The following IPO5 variants were observed in gnomAD, a reference collection of about 807,000 sequenced individuals.
IPO5 encodes importin-5.
A neutral mutation model predicts 143.3 loss-of-function variants in IPO5; 18 were observed. The observed-to-expected ratio is 0.13, with a 90% confidence interval of 0.09 to 0.19. IPO5 has a LOEUF of 0.19. Among genes scored for constraint, IPO5 ranks in the 10% least tolerant of loss-of-function variants. IPO5 has a pLI of 1.00. For synonymous variants in IPO5, 477 were observed against 465.7 expected, an observed-to-expected ratio of 1.02 and a Z score of -0.31; for missense variants, 1,013 against 1,336.9, an observed-to-expected ratio of 0.76 and a Z score of 3.78.
chr13:97,983,210 T>C (rs1222878706), intron 5 of IPO5, among the ~76,000 whole-genome samples: 1 of 152,236 alleles, frequency 6.6e-6, no homozygotes, highest in African/African-American at 2.4e-5. Flanking sequence ...TTTCTTTCCT[T>C]GAAACAATTT....
intron 4 of IPO5, 24 bp downstream of exon 4, chr13:97,976,810 C>T (rs752347944): frequency 8.8e-7 from 1 of 1,135,134 alleles, no homozygotes; most frequent in Non-Finnish European, 1.2e-6. Flanking sequence ...CCGCCCCAGT[C>T]TTCGCGCCCT....
In IPO5 at chr13:97,993,139, G is replaced by A. The variant is rs1367482292; in HGVS notation, c.827G>A (p.Arg276His). The change falls in exon 11 of 29, where the codon CGC (arginine) becomes CAC (histidine). Residue 276 changes from arginine (R) to histidine (H), a missense_variant. Coordinates refer to ENST00000651721, the MANE Select transcript of IPO5 (RefSeq NM_002271.6). ...GACACTAGCCTCAACAATATGCAAC[G>A]CCAGCTTGCCCTTGAAGTGATCGTC... ...CGDTSLNNMQ[R>H]QLALEVIVTL... is the part of the protein sequence containing the mutation. 6 of 1,613,878 alleles carry A rather than the reference G, an allele frequency of 3.7e-6. No individual in the cohort carries two copies. Among genetic ancestry groups the A allele is most frequent in the East Asian group, 2.2e-5 (1 of 44,876 alleles).
At chr13:97,972,893 G>A (rs1459002808) in intron 3 of IPO5, among the ~76,000 whole-genome samples, 1 of 152,076 alleles carries the variant, frequency 6.6e-6, no homozygotes, top group East Asian at 1.9e-4. Context: ...AGGTTACACA[G>A]CTAGTAAGAG....
chr13:98,013,455 G>C (rs144954579), intron 21 of IPO5, among the ~76,000 whole-genome samples: 1 of 152,124 alleles, frequency 6.6e-6, no homozygotes, highest in Non-Finnish European at 1.5e-5. Context: ...TCCAAAGCCC[G>C]TTTGTCATCA....
rs1890607814 is a variant in IPO5 at position 98,023,504 on chromosome 13, C to T, written c.*1682C>T. On this transcript the variant is annotated 3_prime_UTR_variant, in exon 29 of 29. Coordinates refer to ENST00000651721, the MANE Select transcript of IPO5 (RefSeq NM_002271.6). ...TTACTACACTTTATTACTACACTTG[C>T]AGAAAAGAAACATGTTAAAATCATG... 6.6e-6 allele frequency: 1 copy of T among 152,098 alleles called. No homozygotes were observed. Among genetic ancestry groups the T allele is most frequent in the Non-Finnish European group, 1.5e-5 (1 of 68,032 alleles). The allele number at this position is 152,098 out of a possible 1,614,324, so 9.4% of individuals were successfully genotyped here. A position where few individuals can be genotyped will look rare whatever the true frequency, so the allele number is the denominator to read the frequency against.
At chr13:97,963,767 C>G (rs1427789553) in intron 2 of IPO5, among the ~76,000 whole-genome samples, 1 of 152,136 alleles carries the variant, frequency 6.6e-6, no homozygotes, top group Non-Finnish European at 1.5e-5. Flanking sequence ...TCTTGCAACT[C>G]TAGATGAATT....
At chr13:97,993,443 A>C (rs1422274207) in intron 11 of IPO5, among the ~76,000 whole-genome samples, 1 of 152,244 alleles carries the variant, frequency 6.6e-6, no homozygotes, top group Non-Finnish European at 1.5e-5. Flanking sequence ...ATCTGGTGTT[A>C]AAAATAACAT....
At chr13:97,977,932 C>A (rs1886519071) in intron 4 of IPO5, among the ~76,000 whole-genome samples, 1 of 152,202 alleles carries the variant, frequency 6.6e-6, no homozygotes, top group Non-Finnish European at 1.5e-5. Flanking sequence ...TGCAAGTCCT[C>A]TTCTGAACTC....
chr13:98,000,077 G>T (rs1888633587), intron 12 of IPO5, among the ~76,000 whole-genome samples: 1 of 152,110 alleles, frequency 6.6e-6, no homozygotes, highest in Non-Finnish European at 1.5e-5. Context: ...AAAGTCAGGA[G>T]ATCAAGACAA....
At chr13:98,016,352 A>G (rs1214427864) in intron 24 of IPO5, among the ~76,000 whole-genome samples, 2 of 149,252 alleles carry the variant, frequency 1.3e-5, no homozygotes, top group Non-Finnish European at 3.0e-5. Flanking sequence ...CATTCTCCCC[A>G]CCATCCACCC....
intron 4 of IPO5, chr13:97,981,938 C>T (rs1269806777): frequency 2.0e-5 from 3 of 152,472 alleles, no homozygotes; most frequent in African/African-American, 7.2e-5. Context: ...GCCTCCTGGC[C>T]GAATTTATCC....
intron 2 of IPO5, among the ~76,000 whole-genome samples, chr13:97,962,453 C>T (rs1166297586): frequency 6.6e-6 from 1 of 152,140 alleles, no homozygotes; most frequent in Non-Finnish European, 1.5e-5. Context: ...GTTGTACCGG[C>T]AACAATCTTT....
chr13:97,981,918 A>C (rs1348880175), intron 4 of IPO5: 3 of 152,702 alleles, frequency 2.0e-5, no homozygotes, highest in Non-Finnish European at 4.4e-5. Flanking sequence ...GATCTACAAA[A>C]GACGATAAAG....
At chr13:98,016,557 A>G (rs761158022) in intron 24 of IPO5, among the ~76,000 whole-genome samples, 172 bp from the exon 25 acceptor site, 23 of 152,220 alleles carry the variant, frequency 1.5e-4, no homozygotes, top group Admixed American at 1.4e-3. Context: ...AGTAAGAGAC[A>G]TGATAACCCA....
intron 3 of IPO5, among the ~76,000 whole-genome samples, chr13:97,970,745 T>G (rs1215350957): frequency 6.6e-6 from 1 of 152,240 alleles, no homozygotes; most frequent in Non-Finnish European, 1.5e-5. Flanking sequence ...GAAATAGCCT[T>G]TAATAGCTCT....
At chr13:98,012,472 G>C in intron 21 of IPO5, 130 bp downstream of exon 21, 2 of 636,716 alleles carry the variant, frequency 3.1e-6, no homozygotes, top group Non-Finnish European at 5.6e-6. Flanking sequence ...TGTACTCTTA[G>C]GTGATAAACT....
chr13:97,990,584 C>T, intron 9 of IPO5, 47 bp downstream of exon 9: 2 of 1,046,630 alleles, frequency 1.9e-6, no homozygotes, highest in Non-Finnish European at 2.8e-6. Flanking sequence ...TTATTTGGTT[C>T]TTTAATGCAT....
rs148268572 is a variant in IPO5, at chr13:98,009,450, A to G, written c.1801-431A>G. On this transcript the variant is annotated intron_variant, in intron 18 of 28. Transcript: ENST00000651721. ...GATGTTTTGTTTCTTGGGTTTTAAT[A>G]AATGTTTAATGAATGGAGTGGCAGG... Among the ~76,000 whole-genome samples, 703 of 152,338 alleles carry G rather than the reference A, an allele frequency of 4.6e-3. 2 individuals are homozygous for G. The highest frequency in any genetic ancestry group is 7.2e-3 in the Non-Finnish European group (490 of 68,032).
In IPO5 at chr13:98,023,640, T is replaced by A. The variant is rs1249648608; in HGVS notation, c.*1818T>A. ...CTTTGGGAGCAAGAACCTCCTACCT[T>A]CCAGTTTAAACACTAGTGGTATTGT... On this transcript the variant is annotated 3_prime_UTR_variant, in exon 29 of 29. Transcript: ENST00000651721. 6.6e-6 allele frequency: 1 copy of A among 152,104 alleles called. No homozygotes were observed. Among genetic ancestry groups the A allele is most frequent in the Non-Finnish European group, 1.5e-5 (1 of 68,008 alleles). 9.4% of individuals were successfully genotyped at this position (152,104 alleles called of 1,614,324 possible). A position where few individuals can be genotyped will look rare whatever the true frequency, so the allele number is the denominator to read the frequency against.
Sources: allele counts gnomAD v4.1 joint callset (sites outside exome capture counted in the v4.1 genomes callset), GRCh38; gene constraint gnomAD v4.1.1; transcripts MANE v1.5; gene names NCBI Gene and HGNC (gene_info 2026-07-23, HGNC 2026-07-21).